ANOS1: variants seen among roughly 807,000 people sequenced by gnomAD.
The protein encoded by ANOS1 is anosmin-1.
Under a neutral mutation model 59.0 loss-of-function variants are expected in ANOS1, and 6 were observed. That is an observed-to-expected ratio of 0.10 (90% CI 0.06 to 0.20). The LOEUF (loss-of-function observed/expected upper bound fraction) is 0.20, where lower values mean the gene tolerates loss of function less well. ANOS1 is among the 10% of genes least tolerant of loss of function. The pLI is 1.00. For synonymous variants in ANOS1, 217 were observed against 223.4 expected, an observed-to-expected ratio of 0.97 and a Z score of 0.25; for missense variants, 433 against 542.3, an observed-to-expected ratio of 0.80 and a Z score of 2.00.
At chrX:8,534,889 A>G (rs1412518824) in intron 12 of ANOS1, among the ~76,000 whole-genome samples, 1 of 112,025 alleles carries the variant, frequency 8.9e-6, no homozygotes, top group Non-Finnish European at 1.9e-5. Context: ...GTCAATGCCC[A>G]TAACTGAAAA....
chrX:8,566,516 GTGTA>G (rs1220701722), intron 8 of ANOS1, among the ~76,000 whole-genome samples: 1 of 111,069 alleles, frequency 9.0e-6, no homozygotes, highest in Non-Finnish European at 1.9e-5. Context: ...AGTGTATATA[GTGTA>G]TTACAGTATA....
In ANOS1 at chrX:8,528,972, G is replaced by GT. The variant is rs1929452304; in HGVS notation, c.*4022dup. The stretch of plus-strand genomic sequence containing the variant: ...TCAAGACTATTTACAATACTTTTTT[G>GT]TTTTTTACAAAACATTTTTACAAGA... On this transcript the variant is annotated 3_prime_UTR_variant, in exon 14 of 14. Coordinates refer to ENST00000262648, the MANE Select transcript of ANOS1 (RefSeq NM_000216.4). 1 of 111,667 alleles carries GT rather than the reference G, an allele frequency of 9.0e-6. No individual in the cohort carries two copies. Among genetic ancestry groups the GT allele is most frequent in the Non-Finnish European group, 1.9e-5 (1 of 53,125 alleles). The allele number at this position is 111,667 out of a possible 1,213,427, so 9.2% of individuals were successfully genotyped here. A position where few individuals can be genotyped will look rare whatever the true frequency, so the allele number is the denominator to read the frequency against.
At chrX:8,641,018 C>G (rs748218374) in intron 2 of ANOS1, among the ~76,000 whole-genome samples, 63 of 112,104 alleles carry the variant, frequency 5.6e-4, no homozygotes, top group Non-Finnish European at 1.0e-3. Context: ...TAGATACTTA[C>G]TTCCTCATGT....
intron 2 of ANOS1, among the ~76,000 whole-genome samples, chrX:8,625,775 T>C (rs1931378781): frequency 9.0e-6 from 1 of 111,203 alleles, no homozygotes; most frequent in Non-Finnish European, 1.9e-5. Context: ...GAATCTATTT[T>C]AACAAGTTCT....
At chrX:8,730,593 C>A (rs998344795) in intron 1 of ANOS1, among the ~76,000 whole-genome samples, 86 of 77,546 alleles carry the variant, frequency 1.1e-3, no homozygotes, top group Middle Eastern at 5.9e-3. Context: ...CCCCCCCCCA[C>A]CCCTTGACCC....
chrX:8,667,726 G>C (rs753803033), intron 2 of ANOS1, among the ~76,000 whole-genome samples: 2 of 111,173 alleles, frequency 1.8e-5, no homozygotes, highest in South Asian at 3.9e-4. Context: ...GTAAGGTAAG[G>C]TAGAGTAAGG....
At chrX:8,576,900 T>C (rs1930337156) in intron 6 of ANOS1, among the ~76,000 whole-genome samples, 1 of 111,860 alleles carries the variant, frequency 8.9e-6, no homozygotes, top group African/African-American at 3.3e-5. Context: ...GTGCAGGCAT[T>C]GATAGGCCTT....
intron 2 of ANOS1, among the ~76,000 whole-genome samples, chrX:8,657,708 C>A (rs1931957435): frequency 9.0e-6 from 1 of 110,677 alleles, no homozygotes; most frequent in Admixed American, 9.6e-5. Context: ...ACCTTGTGAT[C>A]CGCCTGCCTC....
intron 12 of ANOS1, among the ~76,000 whole-genome samples, chrX:8,534,684 A>G (rs1466106461): frequency 9.0e-6 from 1 of 111,399 alleles, no homozygotes; most frequent in Non-Finnish European, 1.9e-5. Context: ...GCAGCCTAAG[A>G]CACTTGGCAG....
chrX:8,604,323 C>T (rs1227446097), intron 3 of ANOS1, among the ~76,000 whole-genome samples: 2 of 111,474 alleles, frequency 1.8e-5, no homozygotes, highest in Admixed American at 1.9e-4. Context: ...GGCATGGACC[C>T]TGGAAACTGC....
intron 2 of ANOS1, among the ~76,000 whole-genome samples, chrX:8,689,383 C>T (rs979323675): frequency 1.8e-5 from 2 of 110,163 alleles, no homozygotes; most frequent in African/African-American, 3.3e-5. Context: ...ACTTAATTTT[C>T]AATTCCATCA....
intron 8 of ANOS1, among the ~76,000 whole-genome samples, chrX:8,555,998 G>A (rs759294201): frequency 1.1e-3 from 119 of 112,262 alleles, no homozygotes; most frequent in South Asian, 7.0e-3. Context: ...TATCCATCAC[G>A]ATCAAGTTGG....
chrX:8,570,808 T>A, intron 6 of ANOS1, 104 bp from the exon 7 acceptor site: 2 of 798,007 alleles, frequency 2.5e-6, no homozygotes, highest in Non-Finnish European at 3.7e-6. Context: ...TTTTTATAGA[T>A]AGAAAAGCTG....
At chrX:8,614,363 T>C (rs781593451) in intron 3 of ANOS1, among the ~76,000 whole-genome samples, 1 of 112,012 alleles carries the variant, frequency 8.9e-6, no homozygotes, top group Non-Finnish European at 1.9e-5. Flanking sequence ...TTTAAACTTA[T>C]AGAAAAAGTT....
intron 9 of ANOS1, among the ~76,000 whole-genome samples, chrX:8,550,521 G>T (rs187295253): frequency 2.7e-5 from 3 of 111,007 alleles, no homozygotes; most frequent in Admixed American, 9.6e-5. Flanking sequence ...AATGCAAAAG[G>T]CCAGGAATAG....
intron 2 of ANOS1, among the ~76,000 whole-genome samples, chrX:8,653,519 T>C (rs917003883): frequency 8.9e-6 from 1 of 111,887 alleles, no homozygotes; most frequent in Non-Finnish European, 1.9e-5. Flanking sequence ...CAGCAGATCC[T>C]GTAGGCTCCA....
intron 1 of ANOS1, among the ~76,000 whole-genome samples, chrX:8,716,954 G>A (rs1314726239): frequency 1.8e-5 from 2 of 111,569 alleles, no homozygotes; most frequent in African/African-American, 6.5e-5. Context: ...TGCTATGTTT[G>A]GAGACATCAG....
At chrX:8,582,566 CT>C (rs1199881955) in intron 6 of ANOS1, among the ~76,000 whole-genome samples, 2 of 111,407 alleles carry the variant, frequency 1.8e-5, no homozygotes, top group Non-Finnish European at 3.8e-5. Context: ...GGGGAAGCTG[CT>C]GGGACACTTT....
intron 4 of ANOS1, among the ~76,000 whole-genome samples, chrX:8,590,081 TTG>T (rs1336041877): frequency 9.0e-6 from 1 of 111,254 alleles, no homozygotes; most frequent in African/African-American, 3.3e-5. Flanking sequence ...TATTGGTACT[TTG>T]GGGTTATTTT....
Sources: allele counts gnomAD v4.1 joint callset (sites outside exome capture counted in the v4.1 genomes callset), GRCh38; gene constraint gnomAD v4.1.1; transcripts MANE v1.5; gene names NCBI Gene and HGNC (gene_info 2026-07-23, HGNC 2026-07-21).